Variants in KLRG1 observed in about 807,000 individuals in gnomAD.
KLRG1 encodes killer cell lectin like receptor G1.
A neutral mutation model predicts 21.8 loss-of-function variants in KLRG1; 16 were observed. The ratio of observed to expected loss-of-function variants is 0.73; its 90% CI spans 0.50 to 1.11. The LOEUF (loss-of-function observed/expected upper bound fraction) is 1.11. Among genes scored for constraint, KLRG1 ranks in the 50% most tolerant of loss-of-function variants. KLRG1 has a pLI of 0.00. For missense variants in KLRG1, 173 were observed against 218.3 expected (o/e 0.79, Z 1.31); for synonymous variants, 69 against 75.9 (o/e 0.91, Z 0.47).
the KLRG1 span, chr12:9,163,679 G>A: frequency 1.2e-6 from 2 of 1,613,702 alleles, no homozygotes; most frequent in Non-Finnish European, 1.7e-6. Flanking sequence ...TCCACCAACA[G>A]GGTTTTGATG....
At chr12:8,990,142 G>A (rs1946924714) in intron 1 of KLRG1, 1 of 152,786 alleles carries the variant, frequency 6.5e-6, no homozygotes, top group South Asian at 2.1e-4. Flanking sequence ...TGGTGGATAC[G>A]AGTAAGATTT....
At chr12:9,020,460 A>G in the KLRG1 span, among the ~76,000 whole-genome samples, 1 of 152,142 alleles carries the variant, frequency 6.6e-6, no homozygotes, top group Admixed American at 6.5e-5. Context: ...TTCTGTCACT[A>G]TATATCAGAC....
intron 1 of KLRG1, among the ~76,000 whole-genome samples, chr12:8,977,570 T>C (rs1946679270): frequency 1.3e-5 from 2 of 152,046 alleles, no homozygotes; most frequent in South Asian, 4.1e-4. Flanking sequence ...GGGGATTTTA[T>C]TTACATTTAA....
At chr12:8,971,733 C>T (rs1009598383) in intron 1 of KLRG1, among the ~76,000 whole-genome samples, 5 of 152,100 alleles carry the variant, frequency 3.3e-5, no homozygotes, top group Admixed American at 6.5e-5. Flanking sequence ...TCAAGTGATC[C>T]GCCTGCCTCG....
At chr12:9,038,452 T>C in the KLRG1 span, among the ~76,000 whole-genome samples, 81 of 152,226 alleles carry the variant, frequency 5.3e-4, no homozygotes, top group Admixed American at 5.3e-3. Context: ...ACCTAGATTA[T>C]CTAGGATACT....
chr12:9,021,639 T>C, the KLRG1 span, among the ~76,000 whole-genome samples: 74 of 152,190 alleles, frequency 4.9e-4, no homozygotes, highest in African/African-American at 1.7e-3. Context: ...GTACAAAATA[T>C]TTTTCTTTAT....
chr12:9,190,129 A>G, the KLRG1 span, among the ~76,000 whole-genome samples: 3 of 152,226 alleles, frequency 2.0e-5, no homozygotes, highest in Non-Finnish European at 2.9e-5. Context: ...TGACCCAAGA[A>G]TCCCAGTACT....
At chr12:9,141,205 C>A in the KLRG1 span, among the ~76,000 whole-genome samples, 1 of 152,110 alleles carries the variant, frequency 6.6e-6, no homozygotes, top group Non-Finnish European at 1.5e-5. Context: ...ATATAGGAGT[C>A]TCTTATAACT....
chr12:9,150,418 G>A, the KLRG1 span, among the ~76,000 whole-genome samples: 2 of 152,130 alleles, frequency 1.3e-5, no homozygotes, highest in African/African-American at 4.8e-5. Flanking sequence ...TAGTAGCTGG[G>A]ATTACAGGCA....
At chr12:9,002,764 G>T (rs1413116863) in intron 3 of KLRG1, among the ~76,000 whole-genome samples, 1 of 151,858 alleles carries the variant, frequency 6.6e-6, no homozygotes, top group East Asian at 1.9e-4. Flanking sequence ...ATGGAGTTTT[G>T]CCATGTTGCC....
At chr12:9,075,842 G>A in the KLRG1 span, among the ~76,000 whole-genome samples, 12 of 152,152 alleles carry the variant, frequency 7.9e-5, no homozygotes, top group Admixed American at 3.9e-4. Context: ...TTCCCATGTC[G>A]GTAATTTTCT....
At chr12:9,014,312 T>G (rs1201426915), downstream of KLRG1, among the ~76,000 whole-genome samples, 1 of 152,054 alleles carries the variant, frequency 6.6e-6, no homozygotes, top group Admixed American at 6.6e-5. Context: ...CATTTAATAA[T>G]TGAACTTCCA....
chr12:9,211,100 A>G, the KLRG1 span, among the ~76,000 whole-genome samples: 1 of 152,186 alleles, frequency 6.6e-6, no homozygotes, highest in African/African-American at 2.4e-5. Context: ...CCACAATTCT[A>G]CCAGTAGTGC....
intron 3 of KLRG1, among the ~76,000 whole-genome samples, chr12:9,008,608 A>G (rs763324648): frequency 2.0e-5 from 3 of 152,190 alleles, no homozygotes; most frequent in South Asian, 2.1e-4. Context: ...GTGAGGACCT[A>G]CTTCTGGCTT....
the KLRG1 span, among the ~76,000 whole-genome samples, chr12:9,033,720 G>A: frequency 2.0e-5 from 3 of 152,248 alleles, no homozygotes; most frequent in Non-Finnish European, 4.4e-5. Context: ...GTGGTGAGAA[G>A]TTAGCAGAAG....
intron 1 of KLRG1, among the ~76,000 whole-genome samples, chr12:8,966,179 A>G (rs1946468670): frequency 6.6e-6 from 1 of 152,224 alleles, no homozygotes; most frequent in African/African-American, 2.4e-5. Flanking sequence ...CCTTATACAA[A>G]AATTAATTCA....
chr12:9,006,510 A>G (rs2137429959), intron 3 of KLRG1, among the ~76,000 whole-genome samples: 1 of 152,300 alleles, frequency 6.6e-6, no homozygotes, highest in South Asian at 2.1e-4. Context: ...TAGGGGCTAG[A>G]TTGTGTAGGA....
At chr12:9,011,224 T>C (rs1420271199), downstream of KLRG1, among the ~76,000 whole-genome samples, 2 of 152,114 alleles carry the variant, frequency 1.3e-5, no homozygotes, top group African/African-American at 4.8e-5. Context: ...ATTGTCAGAA[T>C]TGGGTGTAGT....
chr12:9,158,757 C>CTTTTTTTTTTTT, the KLRG1 span, among the ~76,000 whole-genome samples: 1 of 125,434 alleles, frequency 8.0e-6, no homozygotes, highest in Admixed American at 8.7e-5. Flanking sequence ...CTTTTCTTTT[C>CTTTTTTTTTTTT]TTTTTTTTTT....
Sources: gnomAD v4.1 joint callset for allele counts (sites outside exome capture counted in the v4.1 genomes callset) on GRCh38, gnomAD v4.1.1 for gene constraint, MANE v1.5 for transcripts, NCBI Gene and HGNC (gene_info 2026-07-23, HGNC 2026-07-21) for gene names.